C8orf90: variants seen among roughly 807,000 people sequenced by gnomAD.
C8orf90 encodes uncharacterized protein C8orf90.
chr8:141,515,596 G>C, the C8orf90 span, among the ~76,000 whole-genome samples: 1 of 151,842 alleles, frequency 6.6e-6, no homozygotes, highest in Non-Finnish European at 1.5e-5. Context: ...TCTTGCCCCA[G>C]CTCCTGCCCT....
chr8:141,518,390 C>G, the C8orf90 span: 1 of 675,586 alleles, frequency 1.5e-6, no homozygotes, highest in South Asian at 1.5e-5. Flanking sequence ...TTCGCCTGGC[C>G]GCCGGGGTCC....
chr8:141,514,854 AC>A, the C8orf90 span: 4 of 665,248 alleles, frequency 6.0e-6, no homozygotes, highest in Middle Eastern at 2.5e-4. Context: ...CGGCCCTCTG[AC>A]CCATCTTCCA....
chr8:141,518,507 A>C, the C8orf90 span: 1 of 609,380 alleles, frequency 1.6e-6, no homozygotes, highest in African/African-American at 2.0e-5. Flanking sequence ...CGGCCCCTGC[A>C]CGCCACGGCC....
At chr8:141,514,845 G>A in the C8orf90 span, 39 of 680,178 alleles carry the variant, frequency 5.7e-5, no homozygotes, top group East Asian at 8.2e-5. Context: ...AGCAGGAAGC[G>A]GCCCTCTGAC....
chr8:141,515,161 G>A, the C8orf90 span, among the ~76,000 whole-genome samples: 1 of 64,750 alleles, frequency 1.5e-5, no homozygotes, highest in East Asian at 5.3e-4. Flanking sequence ...GGGAGGGGCA[G>A]CCAGCCATCC....
chr8:141,515,578 C>G, the C8orf90 span, among the ~76,000 whole-genome samples: 1 of 152,022 alleles, frequency 6.6e-6, no homozygotes, highest in Non-Finnish European at 1.5e-5. Flanking sequence ...CCACCGCACT[C>G]TGGGGATTCT....
chr8:141,518,425 T>C, the C8orf90 span: 3 of 669,846 alleles, frequency 4.5e-6, no homozygotes, highest in East Asian at 9.2e-5. Flanking sequence ...GCCGCTCTTC[T>C]ACGACCCCCG....
At chr8:141,516,707 C>T in the C8orf90 span, among the ~76,000 whole-genome samples, 1 of 152,182 alleles carries the variant, frequency 6.6e-6, no homozygotes, top group African/African-American at 2.4e-5. Context: ...CCAGCCTCGA[C>T]CCCTCTACAA....
At chr8:141,516,883 G>C in the C8orf90 span, among the ~76,000 whole-genome samples, 1 of 152,216 alleles carries the variant, frequency 6.6e-6, no homozygotes, top group Non-Finnish European at 1.5e-5. Context: ...GAACAGGGTT[G>C]GTTGGCTCCA....
the C8orf90 span, among the ~76,000 whole-genome samples, chr8:141,517,878 G>C: frequency 6.6e-6 from 1 of 152,144 alleles, no homozygotes; most frequent in Non-Finnish European, 1.5e-5. Context: ...TCCTAAGCTC[G>C]CTCAGTCCCC....
At chr8:141,516,352 C>T in the C8orf90 span, among the ~76,000 whole-genome samples, 1 of 152,220 alleles carries the variant, frequency 6.6e-6, no homozygotes, top group Non-Finnish European at 1.5e-5. Context: ...TCTCCCCTCT[C>T]CTTTGCTCTT....
At chr8:141,518,679 GC>G in the C8orf90 span, 2 of 542,754 alleles carry the variant, frequency 3.7e-6, no homozygotes, top group South Asian at 4.6e-5. Flanking sequence ...GCTGGCCCAG[GC>G]CCCGCCGCTG....
the C8orf90 span, among the ~76,000 whole-genome samples, chr8:141,516,731 G>T: frequency 4.6e-5 from 7 of 152,156 alleles, no homozygotes; most frequent in Non-Finnish European, 7.3e-5. Flanking sequence ...GAGCAGTCCA[G>T]GCTCTTGTGT....
At chr8:141,517,087 T>G in the C8orf90 span, among the ~76,000 whole-genome samples, 8 of 152,344 alleles carry the variant, frequency 5.3e-5, no homozygotes, top group Non-Finnish European at 8.8e-5. Flanking sequence ...GGGCGTGGCA[T>G]AGTGGAAAGT....
At chr8:141,517,564 G>A in the C8orf90 span, among the ~76,000 whole-genome samples, 34 of 152,218 alleles carry the variant, frequency 2.2e-4, 1 homozygote, top group South Asian at 6.4e-3. Context: ...TTCCACCTCC[G>A]CTCCCTCCTG....
At chr8:141,518,539 C>G in the C8orf90 span, 10 of 519,962 alleles carry the variant, frequency 1.9e-5, no homozygotes, top group Non-Finnish European at 2.7e-5. Flanking sequence ...GCGCAAGCGG[C>G]GCCTGGAGCG....
the C8orf90 span, among the ~76,000 whole-genome samples, chr8:141,516,547 C>G: frequency 6.6e-6 from 1 of 152,202 alleles, no homozygotes; most frequent in African/African-American, 2.4e-5. Context: ...CCCGCTCCCT[C>G]TTGGTGCCCT....
the C8orf90 span, chr8:141,518,338 G>A: frequency 7.4e-6 from 5 of 672,652 alleles, no homozygotes; most frequent in Non-Finnish European, 1.3e-5. Context: ...GGACGACTTC[G>A]CCATCCGCGT....
the C8orf90 span, chr8:141,514,682 T>A: frequency 1.4e-6 from 1 of 700,450 alleles, no homozygotes; most frequent in African/African-American, 1.7e-5. Context: ...GAAGCCTGTC[T>A]CCCGGGCTGC....
Sources: allele counts gnomAD v4.1 joint callset (sites outside exome capture counted in the v4.1 genomes callset), GRCh38; gene constraint gnomAD v4.1.1; transcripts MANE v1.5; gene names NCBI Gene and HGNC (gene_info 2026-07-23, HGNC 2026-07-21).